The following SMIM28 variants were observed in gnomAD, a reference collection of about 807,000 sequenced individuals.
SMIM28 encodes the protein small integral membrane protein 28.
At chr6:138,379,670 T>C (rs1489484623) in intron 1 of SMIM28, among the ~76,000 whole-genome samples, 2 of 152,200 alleles carry the variant, frequency 1.3e-5, no homozygotes, top group Non-Finnish European at 2.9e-5. Context: ...TATTTAATCA[T>C]TAAAAATGTT....
intron 1 of SMIM28, 70 bp from the exon 2 acceptor site, chr6:138,382,430 G>GAA (rs59488191): frequency 4.4e-4 from 135 of 306,666 alleles, no homozygotes; most frequent in Middle Eastern, 8.1e-4. Context: ...AAGAAAGAAA[G>GAA]AAAAAAAAAA....
intron 1 of SMIM28, among the ~76,000 whole-genome samples, chr6:138,380,131 C>A (rs1583090845): frequency 2.0e-5 from 3 of 152,216 alleles, no homozygotes; most frequent in South Asian, 4.1e-4. Flanking sequence ...AATTCATTTA[C>A]TTCTCATGCT....
chr6:138,382,071 G>A (rs542288340), intron 1 of SMIM28, among the ~76,000 whole-genome samples: 3 of 152,264 alleles, frequency 2.0e-5, no homozygotes, highest in Non-Finnish European at 4.4e-5. Flanking sequence ...AAAAAAGAAC[G>A]AAAGATGAGA....
At chr6:138,380,877 T>C (rs1479660657) in intron 1 of SMIM28, among the ~76,000 whole-genome samples, 1 of 151,940 alleles carries the variant, frequency 6.6e-6, no homozygotes. Flanking sequence ...GAACCTCATC[T>C]CTCATAGTTT....
chr6:138,382,879 TA>T lies in SMIM28; in HGVS notation c.*35del, dbSNP rs1226186655. 1 of 398,264 alleles carries T rather than the reference TA, an allele frequency of 2.5e-6. No homozygotes were observed. Among genetic ancestry groups the T allele is most frequent in the African/African-American group, 2.1e-5 (1 of 48,506 alleles). 24.7% of individuals were successfully genotyped at this position (398,264 alleles called of 1,614,324 possible). A position where few individuals can be genotyped will look rare whatever the true frequency, so the allele number is the denominator to read the frequency against. ...CTCACCTGGACTGGAAGAGCAAAAATAAACTGCTCTTGGGAATCATACAAAA... is the reference window on the plus strand; with the variant it reads ...CTCACCTGGACTGGAAGAGCAAAAATAACTGCTCTTGGGAATCATACAAAA... On this transcript the variant is annotated 3_prime_UTR_variant, in exon 2 of 2. Coordinates refer to ENST00000573100, the MANE Select transcript of SMIM28 (RefSeq NM_001368163.3).
In SMIM28 at chr6:138,383,415, T is replaced by TA. The variant is rs759644440; in HGVS notation, c.*569dup. ...TGTTGTAAATAATGGTGAAATATAT[T>TA]ACAATATTAGCAATGAAAGTATAGA... is the stretch of plus-strand genomic sequence containing the variant. On this transcript the variant is annotated 3_prime_UTR_variant, in exon 2 of 2. Coordinates refer to ENST00000573100, the MANE Select transcript of SMIM28 (RefSeq NM_001368163.3). Among the ~76,000 whole-genome samples, 4 of 152,228 alleles carry TA rather than the reference T, an allele frequency of 2.6e-5. No individual in the cohort carries two copies. Among genetic ancestry groups the TA allele is most frequent in the Non-Finnish European group, 5.9e-5 (4 of 68,042 alleles).
At position 138,379,360 on chromosome 6, in the gene SMIM28, T is replaced by A. The variant is rs113377625; in HGVS notation, c.111+1177T>A. On this transcript the variant is annotated intron_variant, in intron 1 of 1. Transcript: ENST00000573100. ...TTCTCCTTTCTCAAATTTTTGCAAC[T>A]AGTATTGAGAATACCTTAAGTAGCA... is the stretch of plus-strand genomic sequence containing the variant. Among the ~76,000 whole-genome samples the A allele has an allele frequency of 6.3e-3, 961 of 152,336 alleles. 10 individuals are homozygous for A. Among genetic ancestry groups the A allele is most frequent in the African/African-American group, 0.02 (824 of 41,576 alleles).
intron 1 of SMIM28, among the ~76,000 whole-genome samples, chr6:138,380,077 G>T (rs1307554892): frequency 2.0e-5 from 3 of 152,130 alleles, no homozygotes; most frequent in African/African-American, 4.8e-5. Context: ...GAGTCACTGA[G>T]ATATAAATAT....
Position 138,378,082 on chromosome 6 carries a change from C to T in SMIM28, c.10C>T (p.Leu4=). 5.0e-6 allele frequency: 2 copies of T among 398,760 alleles called. No individual in the cohort carries two copies. Among genetic ancestry groups the T allele is most frequent in the Non-Finnish European group, 8.8e-6 (2 of 226,204 alleles). The allele number at this position is 398,760 out of a possible 1,614,324, so 24.7% of individuals were successfully genotyped here. The stretch of plus-strand genomic sequence containing the variant: ...TCAGCTGGATGAAAACATGCGGGGA[C>T]TGCTGGGCAGCAGCTGGAAGAAGTT... MRG[L]LGSSWKKFGH... The change falls in exon 1 of 2, where the codon CTG becomes TTG. Residue 4 remains leucine (L), a synonymous_variant. Transcript: ENST00000573100.
In SMIM28 at chr6:138,382,756, C is replaced by A. The variant is rs1774330147; in HGVS notation, c.368C>A (p.Thr123Asn). 1 of 398,660 alleles carries A rather than the reference C, an allele frequency of 2.5e-6. No individual in the cohort carries two copies. Among genetic ancestry groups the A allele is most frequent in the East Asian group, 3.6e-5 (1 of 28,064 alleles). 24.7% of individuals were successfully genotyped at this position (398,660 alleles called of 1,614,324 possible). A position where few individuals can be genotyped will look rare whatever the true frequency, so the allele number is the denominator to read the frequency against. The change falls in exon 2 of 2, where the codon ACT (threonine) becomes AAT (asparagine). Residue 123 changes from threonine (T) to asparagine (N), a missense_variant. Physicochemically the swap from Thr to Asn is moderately conservative, Grantham distance 65 (BLOSUM62 0). Transcript: ENST00000573100. ...FPYSPLPPEA[T>N]LPSQCLPPSY... ...TACTCCCCACTGCCCCCGGAGGCCA[C>A]TCTCCCCTCCCAGTGTTTACCGCCC...
At chr6:138,380,349 C>T (rs993318788) in intron 1 of SMIM28, among the ~76,000 whole-genome samples, 6 of 152,082 alleles carry the variant, frequency 3.9e-5, no homozygotes, top group Non-Finnish European at 8.8e-5. Context: ...TCATATCTTA[C>T]CAAGGACAAA....
At chr6:138,382,451 G>A (rs1194577068) in intron 1 of SMIM28, 49 bp from the exon 2 acceptor site, 7 of 386,116 alleles carry the variant, frequency 1.8e-5, no homozygotes, top group Non-Finnish European at 3.2e-5. Flanking sequence ...AAAGAAATGC[G>A]AGGCCTTCTT....
chr6:138,378,045 G>T lies in SMIM28; in HGVS notation c.-28G>T, dbSNP rs2114740831. On this transcript the variant is annotated 5_prime_UTR_variant, in exon 1 of 2. Coordinates refer to ENST00000573100, the MANE Select transcript of SMIM28 (RefSeq NM_001368163.3). ...GAAATCTGGGCAGCAAGGTGGAAGG[G>T]TGGCCAGGGCATCAGCTGGATGAAA... 1.3e-5 allele frequency: 5 copies of T among 398,878 alleles called. No individual in the cohort carries two copies. The East Asian group carries it at 1.8e-4, about 14-fold the overall frequency. 24.7% of individuals were successfully genotyped at this position (398,878 alleles called of 1,614,324 possible). A position where few individuals can be genotyped will look rare whatever the true frequency, so the allele number is the denominator to read the frequency against.
rs1031177368 is a variant in SMIM28 at position 138,378,147 on chromosome 6, C to A, written c.75C>A (p.Ser25Arg). The change falls in exon 1 of 2, where the codon AGC becomes AGA. Residue 25 changes from serine (S) to arginine (R), a missense_variant. Physicochemically the swap from Ser to Arg is moderately radical, Grantham distance 110. Transcript: ENST00000573100. ...AGRGTYEWLT[S>R]EPGLPLLETQ... is the part of the protein sequence containing the mutation. The stretch of plus-strand genomic sequence containing the variant: ...GGGGGACATATGAGTGGTTAACCAG[C>A]GAGCCCGGCCTGCCTCTCCTGGAGA... 7.5e-6 allele frequency: 3 copies of A among 398,516 alleles called. No homozygotes were observed. Among genetic ancestry groups the A allele is most frequent in the African/African-American group, 2.1e-5 (1 of 48,616 alleles). 24.7% of individuals were successfully genotyped at this position (398,516 alleles called of 1,614,324 possible).
chr6:138,378,121 C>T lies in SMIM28; in HGVS notation c.49C>T (p.Arg17Trp), dbSNP rs763032534. Reference sequence around the variant, plus strand: ...CTGGAAGAAGTTTGGACATGCTGGCCGGGGGACATATGAGTGGTTAACCAG... The same window carrying T: ...CTGGAAGAAGTTTGGACATGCTGGCTGGGGGACATATGAGTGGTTAACCAG... ...SSWKKFGHAG[R>W]GTYEWLTSEP... is the part of the protein sequence containing the mutation. Residue 17 changes from arginine to tryptophan, a missense_variant, in exon 1 of 2, where the codon CGG becomes TGG. By Grantham distance (101) the Arg-to-Trp change is moderately radical (BLOSUM62 -3). Coordinates refer to ENST00000573100, the MANE Select transcript of SMIM28 (RefSeq NM_001368163.3). 1.5e-5 allele frequency: 6 copies of T among 398,626 alleles called. No individual in the cohort carries two copies. The highest frequency in any genetic ancestry group is 3.6e-5 in the East Asian group (1 of 28,072). 24.7% of individuals were successfully genotyped at this position (398,626 alleles called of 1,614,324 possible).
intron 1 of SMIM28, among the ~76,000 whole-genome samples, chr6:138,379,918 A>G (rs1265077987): frequency 6.6e-6 from 1 of 152,160 alleles, no homozygotes; most frequent in Non-Finnish European, 1.5e-5. Context: ...ACAATCGCAT[A>G]CATAAAACAT....
chr6:138,378,248 T>G lies in SMIM28; in HGVS notation c.111+65T>G, dbSNP rs1012891045. On this transcript the variant is annotated intron_variant, in intron 1 of 1. Coordinates refer to ENST00000573100, the MANE Select transcript of SMIM28 (RefSeq NM_001368163.3). ...TCTTCATCAGTTTTAAAATCCATAA[T>G]ATCTATGGTTTTAGGATCATAAAAT... 17 of 397,940 alleles carry G rather than the reference T, an allele frequency of 4.3e-5. No individual in the cohort carries two copies. In the Admixed American group the frequency reaches 6.6e-4, roughly 15 times the overall value. The allele number at this position is 397,940 out of a possible 1,614,324, so 24.7% of individuals were successfully genotyped here.
intron 1 of SMIM28, among the ~76,000 whole-genome samples, chr6:138,379,914 G>A (rs143387407): frequency 2.4e-3 from 365 of 152,040 alleles, no homozygotes; most frequent in Non-Finnish European, 4.0e-3. Context: ...TTTAACAATC[G>A]CATACATAAA....
chr6:138,378,000 C>G lies in SMIM28; in HGVS notation c.-73C>G. Reference sequence around the variant, plus strand: ...AAGCACATCCAAACTGGATCCAGGCCAAGAGCAAGCAGCATTGTTGAAATC... The same window carrying G: ...AAGCACATCCAAACTGGATCCAGGCGAAGAGCAAGCAGCATTGTTGAAATC... On this transcript the variant is annotated 5_prime_UTR_variant, in exon 1 of 2. Transcript: ENST00000573100. 2.5e-6 allele frequency: 1 copy of G among 398,088 alleles called. No homozygotes were observed. Among genetic ancestry groups the G allele is most frequent in the Non-Finnish European group, 4.4e-6 (1 of 225,960 alleles). The allele number at this position is 398,088 out of a possible 1,614,324, so 24.7% of individuals were successfully genotyped here.
Sources: allele counts gnomAD v4.1 joint callset (sites outside exome capture counted in the v4.1 genomes callset), GRCh38; gene constraint gnomAD v4.1.1; transcripts MANE v1.5; gene names NCBI Gene and HGNC (gene_info 2026-07-23, HGNC 2026-07-21).